Variants in LCLAT1 observed in about 807,000 individuals in gnomAD.
LCLAT1 encodes 1-AGP acyltransferase 8.
LCLAT1 carries 11 observed loss-of-function variants against 30.7 expected under a neutral mutation model. The observed-to-expected ratio is 0.36, with a 90% CI of 0.23 to 0.59. LCLAT1 has a LOEUF of 0.59. Among genes scored for constraint, LCLAT1 ranks in the 20% least tolerant of loss-of-function variants. LCLAT1 has a pLI of 0.77. For synonymous variants in LCLAT1, 155 were observed against 151.3 expected, an observed-to-expected ratio of 1.02 and a Z score of -0.18; for missense variants, 402 against 458.6, an observed-to-expected ratio of 0.88 and a Z score of 1.13.
At chr2:30,619,797 TC>T (rs979922965) in intron 5 of LCLAT1, among the ~76,000 whole-genome samples, 1 of 152,106 alleles carries the variant, frequency 6.6e-6, no homozygotes, top group Non-Finnish European at 1.5e-5. Context: ...TTTAAGTTTT[TC>T]CCCCCAATCC....
intron 1 of LCLAT1, among the ~76,000 whole-genome samples, chr2:30,467,688 GTGA>G (rs1370047992): frequency 8.5e-5 from 13 of 152,364 alleles, no homozygotes; most frequent in African/African-American, 2.4e-4. Context: ...CTGATGGCCA[GTGA>G]TGATGAGCAT....
At chr2:30,583,072 A>G (rs1019970807) in intron 5 of LCLAT1, among the ~76,000 whole-genome samples, 3 of 152,192 alleles carry the variant, frequency 2.0e-5, no homozygotes, top group Non-Finnish European at 2.9e-5. Flanking sequence ...TCTTTATTTA[A>G]AGTGTTTTTA....
At chr2:30,488,794 C>T (rs1306113021) in intron 1 of LCLAT1, among the ~76,000 whole-genome samples, 1 of 152,190 alleles carries the variant, frequency 6.6e-6, no homozygotes, top group East Asian at 1.9e-4. Context: ...ATTAGGTTCT[C>T]AGCAATCCTG....
chr2:30,576,020 A>G (rs1351089000), intron 5 of LCLAT1, among the ~76,000 whole-genome samples: 2 of 152,134 alleles, frequency 1.3e-5, no homozygotes, highest in Admixed American at 1.3e-4. Context: ...TTGAAAATAT[A>G]TGTTCTTTAT....
At chr2:30,572,728 C>G (rs952975042) in intron 5 of LCLAT1, among the ~76,000 whole-genome samples, 17 of 150,510 alleles carry the variant, frequency 1.1e-4, no homozygotes, top group African/African-American at 4.1e-4. Context: ...TTTTCTATTT[C>G]CAAGATTTCT....
Position 30,514,549 on chromosome 2 carries a change from G to A in LCLAT1, c.-4-11038G>A, listed in dbSNP as rs546153003. On this transcript the variant is annotated intron_variant, in intron 1 of 5. Coordinates refer to ENST00000379509, the MANE Select transcript of LCLAT1 (RefSeq NM_001002257.3). ...GATGTTAAATATGTAAATACCAAGA[G>A]CCCTCTGTAAAGTTCCTGATAGGTA... Among the ~76,000 whole-genome samples the A allele has an allele frequency of 6.6e-5, 10 of 152,268 alleles. No homozygotes were observed. The South Asian group carries it at 8.3e-4, about 13-fold the overall frequency.
chr2:30,561,290 T>C (rs1665208261), intron 3 of LCLAT1, among the ~76,000 whole-genome samples: 2 of 152,172 alleles, frequency 1.3e-5, no homozygotes, highest in African/African-American at 4.8e-5. Context: ...CTCTTTGGTC[T>C]GTCCATTTGA....
chr2:30,500,540 C>G (rs1269417046), intron 1 of LCLAT1, among the ~76,000 whole-genome samples: 2 of 152,160 alleles, frequency 1.3e-5, no homozygotes, highest in African/African-American at 4.8e-5. Context: ...TTAACTCTTT[C>G]TAGTTACAAA....
At chr2:30,633,809 G>A (rs1476185153) in intron 5 of LCLAT1, among the ~76,000 whole-genome samples, 2 of 152,180 alleles carry the variant, frequency 1.3e-5, no homozygotes, top group East Asian at 1.9e-4. Flanking sequence ...GTGTTATTCT[G>A]TCATTGAACT....
intron 5 of LCLAT1, chr2:30,606,203 T>C (rs568316767): frequency 3.0e-6 from 1 of 328,816 alleles, no homozygotes; most frequent in African/African-American, 2.3e-5. Context: ...CCCATTAAAC[T>C]GCCGTTGACA....
chr2:30,610,431 A>G (rs1162065567), intron 5 of LCLAT1, among the ~76,000 whole-genome samples: 1 of 152,136 alleles, frequency 6.6e-6, no homozygotes, highest in Admixed American at 6.6e-5. Context: ...ATAGCTCCAT[A>G]AGTACAGACT....
chr2:30,574,147 A>AAAT (rs915968229), intron 5 of LCLAT1, among the ~76,000 whole-genome samples: 49 of 151,998 alleles, frequency 3.2e-4, no homozygotes, highest in African/African-American at 8.9e-4. Context: ...TGTCTCAAAA[A>AAAT]AATAATAATA....
rs534051344 is a variant in LCLAT1, at chr2:30,451,373, A to G, written c.-5+3990A>G. Among the ~76,000 whole-genome samples the G allele has an allele frequency of 4.6e-5, 7 of 152,348 alleles. No individual in the cohort carries two copies. In the East Asian group the frequency reaches 9.6e-4, roughly 21 times the overall value. On this transcript the variant is annotated intron_variant, in intron 1 of 5. Transcript: ENST00000379509. ...GAAGACTGTGGCTTTGTCTACTCCT[A>G]CCCGTGATCAAATGCTTGCATTCCT...
chr2:30,567,862 G>A (rs191949700), intron 4 of LCLAT1, among the ~76,000 whole-genome samples, 198 bp from the exon 5 acceptor site: 2 of 152,236 alleles, frequency 1.3e-5, no homozygotes, highest in Admixed American at 1.3e-4. Context: ...AGCCAAACCT[G>A]GGTCTGGTTA....
At chr2:30,451,826 A>G (rs905168608) in intron 1 of LCLAT1, among the ~76,000 whole-genome samples, 2 of 149,084 alleles carry the variant, frequency 1.3e-5, no homozygotes, top group African/African-American at 2.5e-5. Context: ...TTATAAGATG[A>G]AACACTGCAG....
At chr2:30,556,742 CTTT>C (rs35188565) in intron 3 of LCLAT1, among the ~76,000 whole-genome samples, 71,807 of 114,054 alleles carry the variant, frequency 0.63, 20,234 homozygotes, top group African/African-American at 0.68. Context: ...TTTAGAAAGT[CTTT>C]TTTTTTTTTT....
chr2:30,621,768 G>A (rs1166022918), intron 5 of LCLAT1, among the ~76,000 whole-genome samples: 1 of 152,112 alleles, frequency 6.6e-6, no homozygotes, highest in African/African-American at 2.4e-5. Flanking sequence ...TCATTCCCAG[G>A]GAAGCCATTT....
chr2:30,580,839 C>T (rs758781610), intron 5 of LCLAT1, among the ~76,000 whole-genome samples: 6 of 152,128 alleles, frequency 3.9e-5, no homozygotes, highest in African/African-American at 7.2e-5. Context: ...TCGTTCCCTT[C>T]TTAGTATTCT....
chr2:30,497,750 T>C (rs988277393), intron 1 of LCLAT1, among the ~76,000 whole-genome samples: 3 of 152,222 alleles, frequency 2.0e-5, no homozygotes, highest in Non-Finnish European at 4.4e-5. Context: ...TTCTTATTAT[T>C]TTTTAATGCA....
Sources: allele counts gnomAD v4.1 joint callset (sites outside exome capture counted in the v4.1 genomes callset), GRCh38; gene constraint gnomAD v4.1.1; transcripts MANE v1.5; gene names NCBI Gene and HGNC (gene_info 2026-07-23, HGNC 2026-07-21).